The following RASA1 variants were observed in gnomAD, a reference collection of about 807,000 sequenced individuals.
RASA1 encodes the protein RAS p21 protein activator 1.
A neutral mutation model predicts 132.2 loss-of-function variants in RASA1; 25 were observed. The observed-to-expected ratio is 0.19, with a 90% CI of 0.14 to 0.26. The LOEUF (loss-of-function observed/expected upper bound fraction) is 0.26. RASA1 is among the 10% of genes least tolerant of loss of function. The probability of loss-of-function intolerance (pLI) is 1.00; values close to 1 mark genes in which losing one functional copy is unlikely to be tolerated. For synonymous variants in RASA1, 477 were observed against 449.9 expected (o/e 1.06, Z -0.76); for missense variants, 964 against 1,299.2 (o/e 0.74, Z 3.97).
intron 1 of RASA1, among the ~76,000 whole-genome samples, chr5:87,315,701 A>G (rs773297542): frequency 3.8e-4 from 58 of 152,286 alleles, no homozygotes; most frequent in Admixed American, 1.2e-3. Flanking sequence ...TGCTGTCAAG[A>G]TTATTTTATG....
At chr5:87,338,535 A>ATTTTTTTTTTT (rs1561292521) in intron 5 of RASA1, among the ~76,000 whole-genome samples, 12 of 95,888 alleles carry the variant, frequency 1.3e-4, no homozygotes, top group African/African-American at 5.7e-4. Flanking sequence ...ATATATATAA[A>ATTTTTTTTTTT]ATTTTTTTTT....
chr5:87,333,159 C>A, intron 3 of RASA1, 108 bp from the exon 4 acceptor site: 1 of 1,479,550 alleles, frequency 6.8e-7, no homozygotes, highest in Non-Finnish European at 9.1e-7. Context: ...TGAATGATCC[C>A]ATGGAGTTTC....
intron 1 of RASA1, among the ~76,000 whole-genome samples, chr5:87,298,004 C>T (rs1003459431): frequency 8.5e-5 from 13 of 152,160 alleles, no homozygotes; most frequent in South Asian, 2.1e-4. Flanking sequence ...CCGTGGTTTG[C>T]CCTGTGACCT....
intron 11 of RASA1, among the ~76,000 whole-genome samples, chr5:87,363,822 A>C (rs1760300265): frequency 6.6e-6 from 1 of 152,124 alleles, no homozygotes; most frequent in Non-Finnish European, 1.5e-5. Context: ...GGTTTAACTC[A>C]GTGTACCCAA....
chr5:87,385,168 A>C (rs1344101306), intron 21 of RASA1, 133 bp from the exon 22 acceptor site: 4 of 692,352 alleles, frequency 5.8e-6, no homozygotes, highest in Non-Finnish European at 1.0e-5. Context: ...TTTTCCAAAA[A>C]CATTCTGAGT....
intron 9 of RASA1, among the ~76,000 whole-genome samples, chr5:87,357,686 C>A (rs762375178): frequency 1.3e-5 from 2 of 150,300 alleles, no homozygotes; most frequent in African/African-American, 4.9e-5. Flanking sequence ...GACTGGGAGA[C>A]AGAACGAGAT....
At chr5:87,300,351 C>T (rs1411626128) in intron 1 of RASA1, among the ~76,000 whole-genome samples, 3 of 152,088 alleles carry the variant, frequency 2.0e-5, no homozygotes, top group Admixed American at 6.6e-5. Context: ...CACTCTCACT[C>T]GCTTGGATGA....
chr5:87,361,307 A>AT (rs1230269736), intron 9 of RASA1, among the ~76,000 whole-genome samples: 1 of 152,114 alleles, frequency 6.6e-6, no homozygotes, highest in Admixed American at 6.5e-5. Context: ...TCATTCTTCT[A>AT]TTTTCTTATT....
At chr5:87,273,831 G>A (rs968023578) in intron 1 of RASA1, among the ~76,000 whole-genome samples, 9 of 151,564 alleles carry the variant, frequency 5.9e-5, no homozygotes, top group Non-Finnish European at 1.2e-4. Flanking sequence ...CCCAGTAGCC[G>A]GGGTTACAGG....
chr5:87,304,515 C>T (rs974168205), intron 1 of RASA1, among the ~76,000 whole-genome samples: 12 of 150,990 alleles, frequency 7.9e-5, no homozygotes, highest in South Asian at 2.1e-4. Flanking sequence ...TTGCCCAGGC[C>T]GGAGTACAGT....
chr5:87,372,985 A>G (rs1417297754), intron 13 of RASA1, among the ~76,000 whole-genome samples: 1 of 152,206 alleles, frequency 6.6e-6, no homozygotes. Flanking sequence ...ATTTAAGTAT[A>G]CACACAATCG....
At chr5:87,362,187 A>T (rs747251432) in intron 9 of RASA1, among the ~76,000 whole-genome samples, 2 of 152,238 alleles carry the variant, frequency 1.3e-5, no homozygotes, top group East Asian at 1.9e-4. Flanking sequence ...CTTTATGCTT[A>T]CATTGGTTCC....
intron 1 of RASA1, among the ~76,000 whole-genome samples, chr5:87,326,558 A>G (rs1257409812): frequency 1.3e-5 from 2 of 152,184 alleles, no homozygotes; most frequent in East Asian, 3.8e-4. Context: ...GGCAAAGAAG[A>G]AGAGAGAGGG....
chr5:87,361,158 T>TG (rs1281650167), intron 9 of RASA1, among the ~76,000 whole-genome samples: 12 of 152,218 alleles, frequency 7.9e-5, no homozygotes, highest in African/African-American at 2.7e-4. Flanking sequence ...AAAGTCTGTC[T>TG]TTTTATCTGG....
At position 87,268,238 on chromosome 5, in the gene RASA1, G is replaced by T; in HGVS notation, c.-214G>T. ...CGTTTGTGCAGGCGTTGGGTTTTTT[G>T]CCCACTTGGCTTCCCGTAACCCAGG... is the stretch of plus-strand genomic sequence containing the variant. On this transcript the variant is annotated 5_prime_UTR_variant, in exon 1 of 25. Coordinates refer to ENST00000274376, the MANE Select transcript of RASA1 (RefSeq NM_002890.3). The T allele has an allele frequency of 1.5e-6, 1 of 660,602 alleles. No individual in the cohort carries two copies. The highest frequency in any genetic ancestry group is 2.5e-6 in the Non-Finnish European group (1 of 403,442). 40.9% of individuals were successfully genotyped at this position (660,602 alleles called of 1,614,324 possible).
chr5:87,272,965 A>G (rs1561247934), intron 1 of RASA1, among the ~76,000 whole-genome samples: 1 of 152,202 alleles, frequency 6.6e-6, no homozygotes, highest in Non-Finnish European at 1.5e-5. Flanking sequence ...AATACTGACT[A>G]TGAGTAACTG....
At chr5:87,370,893 C>T (rs1311585152) in intron 12 of RASA1, among the ~76,000 whole-genome samples, 2 of 152,116 alleles carry the variant, frequency 1.3e-5, no homozygotes, top group Non-Finnish European at 2.9e-5. Context: ...GAGCTTACAA[C>T]TGAACGTCAT....
intron 1 of RASA1, among the ~76,000 whole-genome samples, chr5:87,274,727 A>G (rs1234958831): frequency 2.0e-5 from 3 of 152,048 alleles, no homozygotes; most frequent in African/African-American, 7.3e-5. Flanking sequence ...AATTTGTGTA[A>G]TTAGGATCAG....
At chr5:87,374,998 G>T in intron 15 of RASA1, 82 bp downstream of exon 15, 1 of 1,493,402 alleles carries the variant, frequency 6.7e-7, no homozygotes, top group South Asian at 1.2e-5. Flanking sequence ...TCTTAAAATA[G>T]AAATTAAAAA....
Sources: allele counts gnomAD v4.1 joint callset (sites outside exome capture counted in the v4.1 genomes callset), GRCh38; gene constraint gnomAD v4.1.1; transcripts MANE v1.5; gene names NCBI Gene and HGNC (gene_info 2026-07-23, HGNC 2026-07-21).